Variants in DOCK3 observed in about 807,000 individuals in gnomAD.
The protein encoded by DOCK3 is dedicator of cytokinesis 3.
DOCK3 carries 60 observed loss-of-function variants against 265.6 expected under a neutral mutation model. The observed-to-expected ratio is 0.23, with a 90% CI of 0.18 to 0.28. The LOEUF (loss-of-function observed/expected upper bound fraction) is 0.28, where lower values mean the gene tolerates loss of function less well. DOCK3 is among the 10% of genes least tolerant of loss of function. The pLI is 1.00. For missense variants in DOCK3, 1,981 were observed against 2,594.3 expected, an observed-to-expected ratio of 0.76 and a Z score of 5.14; for synonymous variants, 881 against 938.0, an observed-to-expected ratio of 0.94 and a Z score of 1.11.
intron 1 of DOCK3, among the ~76,000 whole-genome samples, chr3:50,740,203 T>G (rs1052639192): frequency 6.6e-6 from 1 of 152,192 alleles, no homozygotes; most frequent in South Asian, 2.1e-4. Flanking sequence ...AATAGTTCTT[T>G]TCTTTATTTT....
At chr3:51,252,416 T>G (rs912665189) in intron 22 of DOCK3, among the ~76,000 whole-genome samples, 4 of 152,150 alleles carry the variant, frequency 2.6e-5, no homozygotes, top group Admixed American at 1.3e-4. Flanking sequence ...TTGGTGGCTT[T>G]ATGGGGATGG....
intron 14 of DOCK3, among the ~76,000 whole-genome samples, chr3:51,218,227 C>T (rs574317371): frequency 3.1e-4 from 47 of 151,676 alleles, no homozygotes; most frequent in African/African-American, 1.1e-3. Context: ...TGAGGCCAGA[C>T]GTTCAAGACC....
intron 3 of DOCK3, among the ~76,000 whole-genome samples, chr3:50,881,561 A>G (rs1270093110): frequency 6.6e-6 from 1 of 152,202 alleles, no homozygotes; most frequent in Non-Finnish European, 1.5e-5. Flanking sequence ...CTTACAAGGG[A>G]TGTGAAGGAC....
chr3:51,277,953 T>G (rs2080904113), intron 26 of DOCK3, 199 bp downstream of exon 26: 1 of 985,282 alleles, frequency 1.0e-6, no homozygotes, highest in South Asian at 4.7e-5. Flanking sequence ...TTCCCAGGAC[T>G]CTTCTTTAGG....
intron 51 of DOCK3, among the ~76,000 whole-genome samples, chr3:51,376,914 G>A (rs1321333873): frequency 6.6e-6 from 1 of 152,224 alleles, no homozygotes; most frequent in Non-Finnish European, 1.5e-5. Context: ...TAGCTTCAAG[G>A]TCGTATATCC....
chr3:51,132,422 G>A lies in DOCK3; in HGVS notation c.747-14127G>A, dbSNP rs997597251. Reference sequence around the variant, plus strand: ...GGACTTTAGCCTAGTTATAGGTCTAGAAGCAAACGGGTGTTGGGGTGGGTT... The same window carrying A: ...GGACTTTAGCCTAGTTATAGGTCTAAAAGCAAACGGGTGTTGGGGTGGGTT... On this transcript the variant is annotated intron_variant, in intron 9 of 52. Coordinates refer to ENST00000266037, the MANE Select transcript of DOCK3 (RefSeq NM_004947.5). Among the ~76,000 whole-genome samples the A allele has an allele frequency of 7.2e-5, 11 of 152,320 alleles. No homozygotes were observed. In the Middle Eastern group the frequency reaches 0.01, roughly 141 times the overall value.
chr3:50,839,556 CATT>C (rs201051420), intron 2 of DOCK3, among the ~76,000 whole-genome samples: 2,358 of 152,234 alleles, frequency 0.015, 25 homozygotes, highest in South Asian at 0.028. Context: ...AGTAGTATCT[CATT>C]GTTGTTTTAA....
chr3:51,340,905 T>C (rs563401060), intron 37 of DOCK3, among the ~76,000 whole-genome samples: 1 of 152,292 alleles, frequency 6.6e-6, no homozygotes, highest in Admixed American at 6.5e-5. Flanking sequence ...CCAAGAGCTC[T>C]CTCTGATGTG....
intron 5 of DOCK3, among the ~76,000 whole-genome samples, chr3:51,016,557 C>A (rs1289694767): frequency 4.5e-4 from 3 of 6,620 alleles, no homozygotes; most frequent in Non-Finnish European, 5.8e-4. Flanking sequence ...TTATATATAT[C>A]ATATATTATA....
chr3:50,745,141 C>CA (rs1428129501), intron 1 of DOCK3, among the ~76,000 whole-genome samples: 3 of 152,080 alleles, frequency 2.0e-5, no homozygotes, highest in Non-Finnish European at 4.4e-5. Context: ...GACAGAGTCT[C>CA]ACTCTGTTGC....
intron 3 of DOCK3, among the ~76,000 whole-genome samples, chr3:50,861,160 A>G (rs893293660): frequency 2.0e-5 from 3 of 151,460 alleles, no homozygotes; most frequent in Non-Finnish European, 4.4e-5. Context: ...TCCTGGCTCT[A>G]TGTTGCTCCC....
chr3:51,145,017 C>T (rs186259039), intron 9 of DOCK3, among the ~76,000 whole-genome samples: 1 of 152,290 alleles, frequency 6.6e-6, no homozygotes, highest in East Asian at 1.9e-4. Flanking sequence ...AGAGACATTT[C>T]TCCAAATGTT....
chr3:51,218,309 C>T (rs1034815098), intron 14 of DOCK3, among the ~76,000 whole-genome samples: 3 of 152,150 alleles, frequency 2.0e-5, no homozygotes, highest in East Asian at 1.9e-4. Context: ...TGGCGTTCAC[C>T]TGTAGTCTCA....
rs370016362 is a variant in DOCK3 at position 51,010,639 on chromosome 3, T to G, written c.316-53809T>G. ...TTTACATTTAAGGTGAATATTGTTATGTGTGAATTTGATCCTGTCATTATG... is the reference window on the plus strand; with the variant it reads ...TTTACATTTAAGGTGAATATTGTTAGGTGTGAATTTGATCCTGTCATTATG... On this transcript the variant is annotated intron_variant, in intron 5 of 52. Transcript: ENST00000266037. Among the ~76,000 whole-genome samples the G allele has an allele frequency of 2.6e-5, 4 of 152,212 alleles. No individual in the cohort carries two copies. The East Asian group carries it at 7.7e-4, about 29-fold the overall frequency.
intron 1 of DOCK3, among the ~76,000 whole-genome samples, chr3:50,771,016 A>G (rs1444854977): frequency 6.6e-6 from 1 of 152,206 alleles, no homozygotes; most frequent in African/African-American, 2.4e-5. Context: ...CATTGGGGAA[A>G]ATCTCCAGGA....
intron 32 of DOCK3, among the ~76,000 whole-genome samples, chr3:51,318,791 T>A (rs1459018148): frequency 6.6e-6 from 1 of 152,156 alleles, no homozygotes; most frequent in Non-Finnish European, 1.5e-5. Flanking sequence ...TTTAAGAAAG[T>A]TCAATTAAAA....
chr3:51,288,162 C>T (rs2081514198), intron 27 of DOCK3, among the ~76,000 whole-genome samples: 1 of 152,126 alleles, frequency 6.6e-6, no homozygotes, highest in Non-Finnish European at 1.5e-5. Flanking sequence ...GAGGCTGATG[C>T]AGGGGGATCA....
chr3:50,728,101 G>T (rs1286544158), intron 1 of DOCK3, among the ~76,000 whole-genome samples: 1 of 152,108 alleles, frequency 6.6e-6, no homozygotes, highest in Non-Finnish European at 1.5e-5. Flanking sequence ...CATACAGCAT[G>T]TGTTCTTTAA....
chr3:51,108,798 AT>A (rs2083395343), intron 9 of DOCK3, among the ~76,000 whole-genome samples: 1 of 152,242 alleles, frequency 6.6e-6, no homozygotes, highest in African/African-American at 2.4e-5. Flanking sequence ...AGAGCATTAT[AT>A]AATGGTAAAG....
Sources: allele counts gnomAD v4.1 joint callset (sites outside exome capture counted in the v4.1 genomes callset), GRCh38; gene constraint gnomAD v4.1.1; transcripts MANE v1.5; gene names NCBI Gene and HGNC (gene_info 2026-07-23, HGNC 2026-07-21).